The following PUS3 variants were observed in gnomAD, a reference collection of about 807,000 sequenced individuals.
PUS3 encodes the protein tRNA pseudouridine(38/39) synthase.
A neutral mutation model predicts 43.3 loss-of-function variants in PUS3; 36 were observed. The observed-to-expected ratio is 0.83, with a 90% CI of 0.64 to 1.10. The LOEUF (loss-of-function observed/expected upper bound fraction) is 1.10. PUS3 is among the 50% of genes least tolerant of loss of function. PUS3 has a pLI of 0.00. For synonymous variants in PUS3, 183 were observed against 199.2 expected (o/e 0.92, Z 0.69); for missense variants, 544 against 589.9 (o/e 0.92, Z 0.81).
rs1008055541 is a variant in PUS3, at chr11:125,893,595, G to T, written c.*190C>A. Reference sequence around the variant, plus strand: ...TAATCGCTTAATCCTTTTGGACCGGGATAAGAGAATATTTGAAATTTCTTA... The same window carrying T: ...TAATCGCTTAATCCTTTTGGACCGGTATAAGAGAATATTTGAAATTTCTTA... On this transcript the variant is annotated 3_prime_UTR_variant, in exon 4 of 4. Coordinates refer to ENST00000227474, the MANE Select transcript of PUS3 (RefSeq NM_031307.4). 6.3e-5 allele frequency: 32 copies of T among 511,668 alleles called. No individual in the cohort carries two copies. The highest frequency in any genetic ancestry group is 9.1e-5 in the Non-Finnish European group (27 of 298,328). 31.7% of individuals were successfully genotyped at this position (511,668 alleles called of 1,614,324 possible). A position where few individuals can be genotyped will look rare whatever the true frequency, so the allele number is the denominator to read the frequency against.
Position 125,894,196 on chromosome 11 carries a change from A to C in PUS3, c.1035T>G (p.Ile345Met), listed in dbSNP as rs1394078846. The change falls in exon 4 of 4, where the codon ATT (isoleucine) becomes ATG (methionine). Residue 345 changes from isoleucine (I) to methionine (M), a missense_variant. Transcript: ENST00000227474. ...TAGCCCACAGTTGTTGTAGGTGGGT[A>C]ATATTGAACTCCTGAGCCTCCTGGT... ...IYDQEAQEFN[I>M]THLQQLWANH... 1 of 1,613,964 alleles carries C rather than the reference A, an allele frequency of 6.2e-7. No homozygotes were observed.
In PUS3 at chr11:125,896,254, T is replaced by C; in HGVS notation, c.31A>G (p.Thr11Ala). Residue 11 changes from threonine (T) to alanine (A), a missense_variant, in exon 2 of 4, where the codon ACT (threonine) becomes GCT (alanine). Thr to Ala is a moderately conservative substitution (Grantham distance 58). Coordinates refer to ENST00000227474, the MANE Select transcript of PUS3 (RefSeq NM_031307.4). MAYNDTDRNQ[T>A]EKLLKRVREL... ...CGTACTCTTTTTAGGAGCTTCTCAGTCTGGTTTCTGTCTGTGTCATTATAA... is the reference window on the plus strand; with the variant it reads ...CGTACTCTTTTTAGGAGCTTCTCAGCCTGGTTTCTGTCTGTGTCATTATAA... 1 of 1,612,466 alleles carries C rather than the reference T, an allele frequency of 6.2e-7. No homozygotes were observed. Among genetic ancestry groups the C allele is most frequent in the Non-Finnish European group, 8.5e-7 (1 of 1,178,652 alleles).
intron 1 of PUS3, 127 bp from the exon 2 acceptor site, chr11:125,896,457 G>C (rs1944595194): frequency 1.5e-6 from 1 of 651,610 alleles, no homozygotes; most frequent in East Asian, 2.8e-5. Context: ...ACAAGCATTA[G>C]CTTTATTGTG....
rs781514240 is a variant in PUS3, at chr11:125,899,357, G to T, written c.-46-3027C>A. 8 of 1,613,394 alleles carry T rather than the reference G, an allele frequency of 5.0e-6. No individual in the cohort carries two copies. The East Asian group carries it at 1.8e-4, about 36-fold the overall frequency. ...TATCTCTTGCAGAAGGTCCTACAGT[G>T]TAGGGGAAGCAATGGAAGAACTTCT... is the stretch of plus-strand genomic sequence containing the variant. On this transcript the variant is annotated intron_variant, in intron 1 of 3. Coordinates refer to ENST00000227474, the MANE Select transcript of PUS3 (RefSeq NM_031307.4).
At chr11:125,895,072 A>G (rs1036008073) in intron 3 of PUS3, 152 bp downstream of exon 3, 16 of 498,070 alleles carry the variant, frequency 3.2e-5, no homozygotes, top group African/African-American at 3.2e-4. Flanking sequence ...TTTTTAAGAC[A>G]GTCTCCCTCT....
At chr11:125,899,140 A>G (rs1591506458) in intron 1 of PUS3, 2 of 539,518 alleles carry the variant, frequency 3.7e-6, no homozygotes, top group East Asian at 3.1e-5. Context: ...AGCAGGAGTA[A>G]GAGTGGAAAT....
chr11:125,902,271 A>G (rs1412338916), intron 1 of PUS3, among the ~76,000 whole-genome samples: 1 of 151,388 alleles, frequency 6.6e-6, no homozygotes, highest in Non-Finnish European at 1.5e-5. Flanking sequence ...CTAAGCACCA[A>G]TTACAAACTA....
At chr11:125,900,129 A>G (rs757976767) in intron 1 of PUS3, 4 of 1,614,176 alleles carry the variant, frequency 2.5e-6, no homozygotes, top group South Asian at 2.2e-5. Context: ...CCCCAATCCA[A>G]ACCTCAGCAT....
rs1219219171 is a variant in PUS3, at chr11:125,894,223, A to G, written c.1008T>C (p.Tyr336=). 2 of 1,613,596 alleles carry G rather than the reference A, an allele frequency of 1.2e-6. No individual in the cohort carries two copies. Among genetic ancestry groups the G allele is most frequent in the Admixed American group, 1.7e-5 (1 of 60,024 alleles). Residue 336 remains tyrosine (Y), a synonymous_variant, in exon 4 of 4, where the codon TAT becomes TAC. Transcript: ENST00000227474. The stretch of plus-strand genomic sequence containing the variant: ...TATTGAACTCCTGAGCCTCCTGGTC[A>G]TAGATCCACTTGACATTTTCAAACT... ...DCKFENVKWI[Y]DQEAQEFNIT...
intron 1 of PUS3, 29 bp downstream of exon 1, chr11:125,903,141 G>A: frequency 2.0e-6 from 2 of 977,262 alleles, no homozygotes; most frequent in South Asian, 9.5e-5. Flanking sequence ...AACCCAGAAA[G>A]TAACCCACTC....
At chr11:125,899,427 T>C in intron 1 of PUS3, 1 of 1,614,204 alleles carries the variant, frequency 6.2e-7, no homozygotes, top group South Asian at 1.1e-5. Context: ...GAAGAACGAA[T>C]GTTGGCAGCT....
In PUS3 at chr11:125,895,385, A is replaced by G; in HGVS notation, c.783T>C (p.Pro261=). The G allele has an allele frequency of 6.2e-7, 1 of 1,614,222 alleles. No homozygotes were observed. Among genetic ancestry groups the G allele is most frequent in the Admixed American group, 1.7e-5 (1 of 60,020 alleles). ...TCACTTCAAACTGACATAACTGGAA[A>G]GGTTCTTGCCATCTCCCCTCACCTG... is the stretch of plus-strand genomic sequence containing the variant. ...QSPGEGRWQE[P]FQLCQFEVTG... is the part of the protein sequence containing the mutation. Residue 261 remains proline (P), a synonymous_variant, in exon 3 of 4, where the codon CCT becomes CCC. Coordinates refer to ENST00000227474, the MANE Select transcript of PUS3 (RefSeq NM_031307.4).
intron 1 of PUS3, among the ~76,000 whole-genome samples, chr11:125,897,721 T>G (rs1171293364): frequency 6.6e-6 from 1 of 152,244 alleles, no homozygotes; most frequent in Non-Finnish European, 1.5e-5. Flanking sequence ...TATACCACTT[T>G]GGAGAGGGAA....
chr11:125,899,584 T>A, intron 1 of PUS3: 1 of 1,614,078 alleles, frequency 6.2e-7, no homozygotes, highest in Non-Finnish European at 8.5e-7. Context: ...AGTACCCACA[T>A]GTAGAAAGTA....
chr11:125,901,249 C>G (rs928692870), intron 1 of PUS3, among the ~76,000 whole-genome samples: 4 of 152,066 alleles, frequency 2.6e-5, no homozygotes, highest in South Asian at 2.1e-4. Context: ...TCTGGAATAC[C>G]ATTCTTTTTA....
chr11:125,898,856 C>T (rs927452041), intron 1 of PUS3, among the ~76,000 whole-genome samples: 1 of 151,998 alleles, frequency 6.6e-6, no homozygotes, highest in South Asian at 2.1e-4. Flanking sequence ...TTCAGCTCCA[C>T]TACTTACTAG....
At chr11:125,900,415 A>G in intron 1 of PUS3, 1 of 718,006 alleles carries the variant, frequency 1.4e-6, no homozygotes, top group South Asian at 1.8e-5. Flanking sequence ...CTAGCTATAT[A>G]TCACATTGGT....
In PUS3 at chr11:125,895,717, C is replaced by G. The variant is rs759530579; in HGVS notation, c.451G>C (p.Ala151Pro). Reference sequence around the variant, plus strand: ...CGGATCTCTTCAGCAGCAGCATTAGCCTCCTCTTTTACATTAAAGTCCTCG... The same window carrying G: ...CGGATCTCTTCAGCAGCAGCATTAGGCTCCTCTTTTACATTAAAGTCCTCG... ...DSEDFNVKEE[A>P]NAAAEEIRYT... The change falls in exon 3 of 4, where the codon GCT becomes CCT. Residue 151 changes from alanine (A) to proline (P), a missense_variant. Ala to Pro is a conservative substitution (Grantham distance 27, BLOSUM62 -1). Coordinates refer to ENST00000227474, the MANE Select transcript of PUS3 (RefSeq NM_031307.4). 1.9e-5 allele frequency: 31 copies of G among 1,613,518 alleles called. No homozygotes were observed. The highest frequency in any genetic ancestry group is 2.5e-5 in the Non-Finnish European group (29 of 1,179,954).
chr11:125,901,482 G>T (rs1456677415), intron 1 of PUS3, among the ~76,000 whole-genome samples: 1 of 152,170 alleles, frequency 6.6e-6, no homozygotes, highest in East Asian at 1.9e-4. Flanking sequence ...TCTAAAATCT[G>T]AAAGTTGTCA....
Sources: gnomAD v4.1 joint callset for allele counts (sites outside exome capture counted in the v4.1 genomes callset) on GRCh38, gnomAD v4.1.1 for gene constraint, MANE v1.5 for transcripts, NCBI Gene and HGNC (gene_info 2026-07-23, HGNC 2026-07-21) for gene names.